KLF8: variants seen among roughly 807,000 people sequenced by gnomAD.
The protein encoded by KLF8 is KLF transcription factor 8, also known as Krueppel-like factor 8.
KLF8 carries 10 observed loss-of-function variants against 18.2 expected under a neutral mutation model. The observed-to-expected ratio is 0.55, with a 90% CI of 0.34 to 0.93. The LOEUF is 0.93. KLF8 is among the 40% of genes least tolerant of loss of function. The pLI is 0.02. For missense variants in KLF8, 264 were observed against 277.9 expected (o/e 0.95, Z 0.36); for synonymous variants, 109 against 97.3 (o/e 1.12, Z -0.71).
In KLF8 at chrX:56,289,341, A is replaced by G. The variant is rs2067300297; in HGVS notation, c.*4847A>G. On this transcript the variant is annotated 3_prime_UTR_variant, in exon 6 of 6. Coordinates refer to ENST00000468660, the MANE Select transcript of KLF8 (RefSeq NM_007250.5). ...TGTATATTTTGTGGCCTACTCCTAT[A>G]ATCAGCCATTTCTTCAAGAAGTCCT... 9.1e-6 allele frequency among the ~76,000 whole-genome samples: 1 copy of G among 110,260 alleles called. No individual in the cohort carries two copies. The highest frequency in any genetic ancestry group is 3.3e-5 in the African/African-American group (1 of 30,252).
the KLF8 span, among the ~76,000 whole-genome samples, chrX:56,126,335 C>T: frequency 8.9e-6 from 1 of 112,015 alleles, no homozygotes; most frequent in East Asian, 2.8e-4. Flanking sequence ...TTCTGTTCAC[C>T]TCCAGTCTAC....
chrX:56,133,374 T>G, the KLF8 span, among the ~76,000 whole-genome samples: 2 of 111,994 alleles, frequency 1.8e-5, no homozygotes, highest in Non-Finnish European at 3.8e-5. Flanking sequence ...TGCAAGTAAA[T>G]AAATTTGATA....
the KLF8 span, among the ~76,000 whole-genome samples, chrX:56,007,905 T>C: frequency 9.0e-6 from 1 of 110,591 alleles, no homozygotes; most frequent in Non-Finnish European, 1.9e-5. Flanking sequence ...TGGCAAATGT[T>C]TACCTGTGTA....
the KLF8 span, among the ~76,000 whole-genome samples, chrX:56,148,754 C>T: frequency 5.4e-5 from 6 of 111,375 alleles, no homozygotes; most frequent in Non-Finnish European, 1.1e-4. Context: ...TTTATAAAAC[C>T]GTCAGATCTC....
At chrX:56,258,407 G>A (rs1158987816) in intron 2 of KLF8, among the ~76,000 whole-genome samples, 2 of 111,159 alleles carry the variant, frequency 1.8e-5, no homozygotes, top group African/African-American at 3.3e-5. Flanking sequence ...CAAGTAGCTG[G>A]GACCACAGGC....
At chrX:56,219,220 A>T in the KLF8 span, among the ~76,000 whole-genome samples, 14 of 112,413 alleles carry the variant, frequency 1.2e-4, no homozygotes, top group Admixed American at 4.7e-4. Flanking sequence ...ATAAAGGCGA[A>T]GTTTAAATTT....
At chrX:56,088,822 G>A in the KLF8 span, among the ~76,000 whole-genome samples, 1 of 111,026 alleles carries the variant, frequency 9.0e-6, no homozygotes, top group East Asian at 2.8e-4. Context: ...TAGTTTAATT[G>A]GTAGTCATTC....
chrX:56,183,038 C>T, the KLF8 span, among the ~76,000 whole-genome samples: 13 of 112,653 alleles, frequency 1.2e-4, no homozygotes, highest in South Asian at 4.0e-3. Flanking sequence ...TTTCTGCTGC[C>T]TTTTATTCCG....
the KLF8 span, among the ~76,000 whole-genome samples, chrX:56,030,322 C>T: frequency 9.0e-6 from 1 of 111,288 alleles, no homozygotes; most frequent in African/African-American, 3.3e-5. Context: ...TGGTAATCGG[C>T]TGGGACATGC....
the KLF8 span, among the ~76,000 whole-genome samples, chrX:56,056,745 C>T: frequency 3.5e-4 from 32 of 91,470 alleles, no homozygotes; most frequent in South Asian, 6.0e-4. Flanking sequence ...CACATGTATA[C>T]ATATGTAACT....
the KLF8 span, among the ~76,000 whole-genome samples, chrX:56,130,305 T>C: frequency 2.7e-5 from 3 of 111,757 alleles, no homozygotes; most frequent in Non-Finnish European, 5.6e-5. Flanking sequence ...CTGAGAGAAC[T>C]GAAGATGGTT....
intron 3 of KLF8, chrX:56,268,185 TTTCATTTA>T (rs1004851905): frequency 5.4e-5 from 6 of 111,706 alleles, no homozygotes; most frequent in African/African-American, 2.0e-4. Context: ...ATATGTCACA[TTTCATTTA>T]TTCATTCATT....
At chrX:56,150,916 T>C in the KLF8 span, among the ~76,000 whole-genome samples, 1 of 111,492 alleles carries the variant, frequency 9.0e-6, no homozygotes, top group Non-Finnish European at 1.9e-5. Context: ...TATGTTGTTA[T>C]AAAATGCTAA....
the KLF8 span, among the ~76,000 whole-genome samples, chrX:56,121,909 TACTC>T: frequency 8.9e-6 from 1 of 112,312 alleles, no homozygotes; most frequent in African/African-American, 3.2e-5. Context: ...ACTTAGTAGA[TACTC>T]AATAAACATT....
intron 1 of KLF8, among the ~76,000 whole-genome samples, chrX:56,238,019 C>T (rs1346197401): frequency 8.9e-6 from 1 of 111,738 alleles, no homozygotes; most frequent in Non-Finnish European, 1.9e-5. Context: ...TCCTAAAGGC[C>T]CTATCTTCAA....
chrX:56,080,694 C>T, the KLF8 span, among the ~76,000 whole-genome samples: 1 of 111,202 alleles, frequency 9.0e-6, no homozygotes, highest in South Asian at 3.8e-4. Context: ...GAGTGTTGGC[C>T]TGCCTTGCTA....
At chrX:56,024,331 C>T in the KLF8 span, among the ~76,000 whole-genome samples, 2 of 109,826 alleles carry the variant, frequency 1.8e-5, no homozygotes, top group African/African-American at 3.3e-5. Context: ...CCTCAGCTTC[C>T]GAAATAGCTG....
At chrX:55,941,633 C>G in the KLF8 span, among the ~76,000 whole-genome samples, 1 of 111,485 alleles carries the variant, frequency 9.0e-6, no homozygotes, top group Non-Finnish European at 1.9e-5. Context: ...TGACAAAGGG[C>G]TAATATCCAG....
the KLF8 span, among the ~76,000 whole-genome samples, chrX:56,000,423 T>C: frequency 9.9e-6 from 1 of 101,158 alleles, no homozygotes; most frequent in African/African-American, 3.5e-5. Context: ...ACCAGTTCTT[T>C]GAACATCTGG....
Sources: allele counts gnomAD v4.1 joint callset (sites outside exome capture counted in the v4.1 genomes callset), GRCh38; gene constraint gnomAD v4.1.1; transcripts MANE v1.5; gene names NCBI Gene and HGNC (gene_info 2026-07-23, HGNC 2026-07-21).